Variants in RNF220 observed in about 807,000 individuals in gnomAD.
The protein encoded by RNF220 is ring finger protein 220.
A neutral mutation model predicts 67.1 loss-of-function variants in RNF220; 7 were observed. The observed-to-expected ratio is 0.10, with a 90% CI of 0.06 to 0.20. RNF220 has a LOEUF of 0.20. RNF220 is among the 10% of genes least tolerant of loss of function. The pLI, the probability that RNF220 is intolerant of heterozygous loss-of-function variation, is 1.00. For missense variants in RNF220, 565 were observed against 740.3 expected, an observed-to-expected ratio of 0.76 and a Z score of 2.75; for synonymous variants, 270 against 283.2, an observed-to-expected ratio of 0.95 and a Z score of 0.47.
intron 2 of RNF220, among the ~76,000 whole-genome samples, chr1:44,440,253 A>G (rs561271292): frequency 6.6e-6 from 1 of 152,364 alleles, no homozygotes; most frequent in Non-Finnish European, 1.5e-5. Flanking sequence ...TGGACAGAGC[A>G]GGTACTGAAC....
chr1:44,552,612 C>T (rs1662742762), intron 2 of RNF220, among the ~76,000 whole-genome samples: 1 of 115,464 alleles, frequency 8.7e-6, no homozygotes, highest in Admixed American at 1.2e-4. Flanking sequence ...GCTCTGTCAC[C>T]CAGGCTGGAG....
intron 2 of RNF220, among the ~76,000 whole-genome samples, chr1:44,434,610 G>A (rs1441108057): frequency 1.3e-5 from 2 of 151,782 alleles, no homozygotes; most frequent in East Asian, 1.9e-4. Flanking sequence ...CTAGCTACTC[G>A]GGAGGCTGAG....
rs538990736 is a variant in RNF220 at position 44,417,759 on chromosome 1, G to A, written c.625+5037G>A. ...CTGGTAATTGATCTTCTGGGGGAGGGGGCGCGGAGAGGCGCGAGAACTGGC... is the reference window on the plus strand; with the variant it reads ...CTGGTAATTGATCTTCTGGGGGAGGAGGCGCGGAGAGGCGCGAGAACTGGC... On this transcript the variant is annotated intron_variant, in intron 2 of 14. Transcript: ENST00000361799. This position sits in a 1 kb window ranked among gnomAD's most constrained non-coding sequence, Gnocchi z 4.0. Among the ~76,000 whole-genome samples the A allele has an allele frequency of 3.6e-4, 55 of 152,310 alleles. 3 individuals carry two copies. In the East Asian group the frequency reaches 6.4e-3, roughly 18 times the overall value.
At chr1:44,453,333 T>C (rs1652870334) in intron 2 of RNF220, among the ~76,000 whole-genome samples, 1 of 152,202 alleles carries the variant, frequency 6.6e-6, no homozygotes, top group South Asian at 2.1e-4. Context: ...AGTGCCATAT[T>C]TAGTAGTTGC....
chr1:44,596,314 C>A (rs949933877), intron 2 of RNF220, among the ~76,000 whole-genome samples: 4 of 152,128 alleles, frequency 2.6e-5, no homozygotes, highest in Non-Finnish European at 5.9e-5. Context: ...GTAATCCCAG[C>A]ACTTTGGGAG....
At chr1:44,643,891 C>T (rs1479382178) in intron 8 of RNF220, 1 of 153,656 alleles carries the variant, frequency 6.5e-6, no homozygotes. Flanking sequence ...GTGAGCAGGC[C>T]TGGTGTAGCC....
intron 2 of RNF220, among the ~76,000 whole-genome samples, chr1:44,427,955 A>G (rs1020344641): frequency 3.3e-5 from 5 of 152,204 alleles, no homozygotes; most frequent in Non-Finnish European, 7.3e-5. Context: ...CAGTGACTCC[A>G]GCAAGCCCTG....
intron 2 of RNF220, among the ~76,000 whole-genome samples, chr1:44,575,681 A>G (rs544412649): frequency 3.4e-4 from 52 of 152,220 alleles, no homozygotes; most frequent in African/African-American, 1.2e-3. Flanking sequence ...AGAAAAGGGA[A>G]CTCTTATACA....
chr1:44,638,066 G>A (rs925439987), intron 8 of RNF220, among the ~76,000 whole-genome samples: 1 of 152,236 alleles, frequency 6.6e-6, no homozygotes, highest in African/African-American at 2.4e-5. Flanking sequence ...TCAAAGGGAG[G>A]CCCTGGCTGA....
intron 1 of RNF220, among the ~76,000 whole-genome samples, chr1:44,406,750 G>A (rs1310771860): frequency 1.4e-5 from 2 of 146,648 alleles, no homozygotes; most frequent in African/African-American, 2.5e-5. Flanking sequence ...TTTGTGCTTT[G>A]TAAGAGAAAG....
intron 2 of RNF220, among the ~76,000 whole-genome samples, chr1:44,521,183 C>T (rs1659910984): frequency 6.6e-6 from 1 of 152,202 alleles, no homozygotes; most frequent in Non-Finnish European, 1.5e-5. Flanking sequence ...AGGCATGAGC[C>T]ACCACCTAAG....
intron 5 of RNF220, 44 bp from the exon 6 acceptor site, chr1:44,632,299 C>T (rs1172325494): frequency 1.2e-6 from 2 of 1,614,018 alleles, no homozygotes; most frequent in Non-Finnish European, 1.7e-6. Context: ...CCGCGCCTGA[C>T]GCTCTCTTTT....
chr1:44,614,020 G>T, intron 2 of RNF220, 145 bp from the exon 3 acceptor site: 1 of 969,384 alleles, frequency 1.0e-6, no homozygotes, highest in Non-Finnish European at 1.5e-6. Flanking sequence ...AGGGGTGCTC[G>T]TGGGCTCTGA....
chr1:44,456,508 T>A (rs1353544927), intron 2 of RNF220, among the ~76,000 whole-genome samples: 1 of 152,212 alleles, frequency 6.6e-6, no homozygotes, highest in African/African-American at 2.4e-5. Flanking sequence ...ATTAAGGACC[T>A]ACTAAGCACT....
chr1:44,550,335 G>A (rs1662527703), intron 2 of RNF220, among the ~76,000 whole-genome samples: 1 of 152,186 alleles, frequency 6.6e-6, no homozygotes. Flanking sequence ...TTGGGGTTAT[G>A]GAGACATCCC....
intron 5 of RNF220, among the ~76,000 whole-genome samples, chr1:44,629,935 A>C (rs1644067998): frequency 6.6e-6 from 1 of 152,218 alleles, no homozygotes; most frequent in Admixed American, 6.5e-5. Context: ...AGAAAGTAGA[A>C]TGCAAGGAAA....
chr1:44,519,231 C>G (rs1336880913), intron 2 of RNF220, among the ~76,000 whole-genome samples: 1 of 152,150 alleles, frequency 6.6e-6, no homozygotes, highest in African/African-American at 2.4e-5. Context: ...TTTATTCATT[C>G]AGTCATTTAT....
At chr1:44,492,689 G>A (rs1056519025) in intron 2 of RNF220, among the ~76,000 whole-genome samples, 4 of 152,194 alleles carry the variant, frequency 2.6e-5, no homozygotes, top group East Asian at 1.9e-4. Context: ...ATATGATTCC[G>A]TTTATATGAA....
At chr1:44,461,252 A>G (rs1297118988) in intron 2 of RNF220, among the ~76,000 whole-genome samples, 1 of 152,114 alleles carries the variant, frequency 6.6e-6, no homozygotes, top group Non-Finnish European at 1.5e-5. Flanking sequence ...ATCCTTCTAG[A>G]AGTGGATTTT....
Sources: allele counts gnomAD v4.1 joint callset (sites outside exome capture counted in the v4.1 genomes callset), GRCh38; gene constraint gnomAD v4.1.1; non-coding constraint Gnocchi (gnomAD v3.1); transcripts MANE v1.5; gene names NCBI Gene and HGNC (gene_info 2026-07-23, HGNC 2026-07-21).